Variants in HTT observed in about 807,000 individuals in gnomAD.
HTT encodes the protein huntingtin.
Under a neutral mutation model 362.3 loss-of-function variants are expected in HTT, and 104 were observed. The observed-to-expected ratio is 0.29, with a 90% confidence interval of 0.24 to 0.34. The LOEUF is 0.34. HTT is among the 10% of genes least tolerant of loss of function. The pLI is 1.00. For missense variants in HTT, 3,301 were observed against 3,928.6 expected (o/e 0.84, Z 4.27); for synonymous variants, 1,577 against 1,548.7 (o/e 1.02, Z -0.43).
chr4:3,144,972 C>T (rs1349361100), intron 23 of HTT, among the ~76,000 whole-genome samples, 180 bp from the exon 24 acceptor site: 8 of 152,128 alleles, frequency 5.3e-5, no homozygotes, highest in Non-Finnish European at 7.4e-5. Context: ...TCTGATAACA[C>T]GTGTTTGAGG....
At position 3,075,026 on chromosome 4, in the gene HTT, G is replaced by C. The variant is rs867600423; in HGVS notation, c.201G>C (p.Pro67=). ...AGCCGCTGCTGCCTCAGCCGCAGCC[G>C]CCCCCGCCGCCGCCCCCGCCGCCAC... is the stretch of plus-strand genomic sequence containing the variant. ...QAQPLLPQPQ[P]PPPPPPPPPG... Residue 67 remains proline (P), a synonymous_variant, in exon 1 of 67, where the codon CCG becomes CCC. Transcript: ENST00000355072. 39 of 1,249,084 alleles carry C rather than the reference G, an allele frequency of 3.1e-5. 1 individual carries two copies. The highest frequency in any genetic ancestry group is 3.9e-5 in the Non-Finnish European group (39 of 1,002,766). 77.4% of individuals were successfully genotyped at this position (1,249,084 alleles called of 1,614,324 possible). A position where few individuals can be genotyped will look rare whatever the true frequency, so the allele number is the denominator to read the frequency against.
chr4:3,223,190 G>T (rs765107635), intron 54 of HTT, among the ~76,000 whole-genome samples: 11 of 152,228 alleles, frequency 7.2e-5, no homozygotes, highest in African/African-American at 9.6e-5. Context: ...AGGAGTCCTT[G>T]ATTTGAAAAA....
chr4:3,078,793 G>A (rs986381932), intron 1 of HTT, among the ~76,000 whole-genome samples: 2 of 149,270 alleles, frequency 1.3e-5, no homozygotes, highest in African/African-American at 4.9e-5. Context: ...GGAGTGCAGT[G>A]GCGCGATCTC....
At chr4:3,238,237 TG>T (rs1488265748) in intron 64 of HTT, among the ~76,000 whole-genome samples, 1 of 152,246 alleles carries the variant, frequency 6.6e-6, no homozygotes, top group Non-Finnish European at 1.5e-5. Flanking sequence ...GAGGAAGGGC[TG>T]GGGTTTTGCC....
chr4:3,151,946 G>T (rs1282910949), intron 26 of HTT, among the ~76,000 whole-genome samples: 1 of 151,862 alleles, frequency 6.6e-6, no homozygotes, highest in Non-Finnish European at 1.5e-5. Flanking sequence ...TAATTTTTTT[G>T]AGATAGGGTG....
At chr4:3,220,525 G>A (rs914003034) in intron 53 of HTT, among the ~76,000 whole-genome samples, 2 of 152,208 alleles carry the variant, frequency 1.3e-5, no homozygotes, top group African/African-American at 2.4e-5. Context: ...TTGAATCCCA[G>A]CTTTGTGTAT....
intron 30 of HTT, 24 bp downstream of exon 30, chr4:3,172,421 TTC>T (rs1560578768): frequency 6.6e-7 from 1 of 1,506,898 alleles, no homozygotes; most frequent in South Asian, 1.1e-5. Context: ...TCTTTTCCTC[TTC>T]TGTTAAGACG....
intron 7 of HTT, 51 bp downstream of exon 7, chr4:3,115,496 G>T: frequency 7.0e-7 from 1 of 1,436,604 alleles, no homozygotes. Flanking sequence ...ACTCAAGATA[G>T]ACCTTTGAAA....
chr4:3,142,526 A>G (rs1257946815), intron 22 of HTT, among the ~76,000 whole-genome samples: 1 of 152,142 alleles, frequency 6.6e-6, no homozygotes, highest in Non-Finnish European at 1.5e-5. Flanking sequence ...ATAGTAGGCA[A>G]CGCTGTAAGG....
At chr4:3,089,983 G>C (rs1713414580) in intron 2 of HTT, among the ~76,000 whole-genome samples, 1 of 152,108 alleles carries the variant, frequency 6.6e-6, no homozygotes, top group Admixed American at 6.6e-5. Flanking sequence ...GGTTTCATAG[G>C]ATACACTCTA....
chr4:3,123,461 T>C (rs1457149326), intron 10 of HTT: 1 of 152,208 alleles, frequency 6.6e-6, no homozygotes, highest in African/African-American at 2.4e-5. Context: ...TAGTCAGGAA[T>C]ATTATTAAGT....
In HTT at chr4:3,165,167, G is replaced by A. The variant is rs890491089; in HGVS notation, c.3864+4775G>A. ...TTGTCTGTAAAGGATTTTATTTCTC[G>A]TTCACTTATGAAGCTTAGTTTGGCT... On this transcript the variant is annotated intron_variant, in intron 29 of 66. Coordinates refer to ENST00000355072, the MANE Select transcript of HTT (RefSeq NM_001388492.1). Among the ~76,000 whole-genome samples, 36 of 152,108 alleles carry A rather than the reference G, an allele frequency of 2.4e-4. 1 individual carries two copies. The highest frequency in any genetic ancestry group is 6.8e-4 in the African/African-American group (28 of 41,416).
intron 40 of HTT, among the ~76,000 whole-genome samples, chr4:3,195,408 G>A (rs569539609): frequency 3.3e-5 from 5 of 151,908 alleles, no homozygotes; most frequent in Admixed American, 6.6e-5. Flanking sequence ...GCCTGCATCC[G>A]CCTTCCTGCC....
chr4:3,122,897 G>A lies in HTT; in HGVS notation c.1282G>A (p.Gly428Ser). 6.2e-7 allele frequency: 1 copy of A among 1,608,866 alleles called. No individual in the cohort carries two copies. The highest frequency in any genetic ancestry group is 8.5e-7 in the Non-Finnish European group (1 of 1,176,996). Reference sequence around the variant, plus strand: ...CTTTCTGTGATTTGCAGCTGGAGGGGGTTCCTCATGCAGCCCTGTCCTTTC... The same window carrying A: ...CTTTCTGTGATTTGCAGCTGGAGGGAGTTCCTCATGCAGCCCTGTCCTTTC... ...GSIVELIAGGGSSCSPVLSRK... is the reference protein window; with the variant it reads ...GSIVELIAGGSSSCSPVLSRK... The change falls in exon 10 of 67, where the codon GGT becomes AGT. Residue 428 changes from glycine (G) to serine (S), a missense_variant. Physicochemically the swap from Gly to Ser is moderately conservative, Grantham distance 56. Around this residue, in one of 4 missense-constraint regions of HTT, gnomAD observed 2,316 missense variants for 2,658.5 expected, o/e 0.87. Transcript: ENST00000355072.
intron 21 of HTT, among the ~76,000 whole-genome samples, chr4:3,139,372 A>T (rs1716229027): frequency 6.6e-6 from 1 of 151,926 alleles, no homozygotes; most frequent in East Asian, 1.9e-4. Flanking sequence ...TAATTTTTGT[A>T]TCTTTAGTAG....
intron 37 of HTT, 151 bp from the exon 38 acceptor site, chr4:3,186,446 G>C (rs1325401283): frequency 1.4e-6 from 1 of 718,068 alleles, no homozygotes; most frequent in African/African-American, 1.8e-5. Flanking sequence ...ATGTTTGCTT[G>C]GTTCACCACT....
Position 3,148,053 on chromosome 4 carries a change from C to T in HTT, c.3344C>T (p.Ala1115Val). The T allele has an allele frequency of 6.2e-7, 1 of 1,614,080 alleles. No homozygotes were observed. The highest frequency in any genetic ancestry group is 1.3e-5 in the African/African-American group (1 of 75,054). The change falls in exon 26 of 67, where the codon GCC becomes GTC. Residue 1115 changes from alanine (A) to valine (V), a missense_variant. Coordinates refer to ENST00000355072, the MANE Select transcript of HTT (RefSeq NM_001388492.1). Reference sequence around the variant, plus strand: ...AGTTCATGGGCCTCTGAAGAAGAAGCCAACCCAGCAGCCACCAAGCAAGAG... The same window carrying T: ...AGTTCATGGGCCTCTGAAGAAGAAGTCAACCCAGCAGCCACCAAGCAAGAG... ...LRSSWASEEE[A>V]NPAATKQEEV...
intron 40 of HTT, among the ~76,000 whole-genome samples, chr4:3,191,462 G>A (rs1719012518): frequency 6.6e-6 from 1 of 152,062 alleles, no homozygotes; most frequent in Non-Finnish European, 1.5e-5. Context: ...GTGAGCCACC[G>A]CACCCGGCCC....
chr4:3,077,573 C>A (rs1170362137), intron 1 of HTT, among the ~76,000 whole-genome samples: 1 of 152,144 alleles, frequency 6.6e-6, no homozygotes, highest in Non-Finnish European at 1.5e-5. Context: ...GCGCCCACCA[C>A]CATGTCCAGC....
Sources: gnomAD v4.1 joint callset for allele counts (sites outside exome capture counted in the v4.1 genomes callset) on GRCh38, gnomAD v4.1.1 for gene constraint, gnomAD v4.1.1 regional missense constraint, MANE v1.5 for transcripts, NCBI Gene and HGNC (gene_info 2026-07-23, HGNC 2026-07-21) for gene names.